GPR158: variants seen among roughly 807,000 people sequenced by gnomAD.
The protein encoded by GPR158 is metabotropic glycine receptor.
A neutral mutation model predicts 78.2 loss-of-function variants in GPR158; 30 were observed. The observed-to-expected ratio is 0.38, with a 90% CI of 0.29 to 0.52. The LOEUF is 0.52. Ranked by LOEUF, GPR158 falls within the 20% of genes least tolerant of loss-of-function variation. The pLI is 0.83. For synonymous variants in GPR158, 581 were observed against 591.1 expected (o/e 0.98, Z 0.25); for missense variants, 1,463 against 1,523.5 (o/e 0.96, Z 0.66).
At chr10:25,255,273 A>G (rs916611392) in intron 2 of GPR158, among the ~76,000 whole-genome samples, 2 of 152,230 alleles carry the variant, frequency 1.3e-5, no homozygotes, top group African/African-American at 4.8e-5. Context: ...TTGTCCATCA[A>G]ATCACTAAGT....
At chr10:25,554,211 T>A (rs1836759678) in intron 6 of GPR158, among the ~76,000 whole-genome samples, 1 of 152,148 alleles carries the variant, frequency 6.6e-6, no homozygotes, top group Non-Finnish European at 1.5e-5. Flanking sequence ...GTCTTCATTT[T>A]TATAGGAATT....
rs1345302514 is a variant in GPR158, at chr10:25,292,748, T to TACACAC, written c.1008+71597_1008+71602dup. Among the ~76,000 whole-genome samples the TACACAC allele has an allele frequency of 3.0e-3, 457 of 152,224 alleles. 2 individuals are homozygous for TACACAC. Among genetic ancestry groups the TACACAC allele is most frequent in the Middle Eastern group, 0.014 (4 of 294 alleles). On this transcript the variant is annotated intron_variant, in intron 2 of 10. Coordinates refer to ENST00000376351, the MANE Select transcript of GPR158 (RefSeq NM_020752.3). ...TTGCTTTTAACTTCCTCTCCCCACA[T>TACACAC]ACACACACACATTTAGAAAGAGAGA...
intron 2 of GPR158, among the ~76,000 whole-genome samples, chr10:25,374,396 C>T (rs1026287273): frequency 6.6e-6 from 1 of 151,622 alleles, no homozygotes; most frequent in Non-Finnish European, 1.5e-5. Flanking sequence ...TCATTGGTAA[C>T]AGTCCACAGA....
At chr10:25,408,082 C>G (rs1834538301) in intron 3 of GPR158, among the ~76,000 whole-genome samples, 2 of 152,144 alleles carry the variant, frequency 1.3e-5, no homozygotes, top group South Asian at 4.2e-4. Flanking sequence ...TTTCAAGTTT[C>G]ATTTGTATTG....
chr10:25,539,044 C>G (rs1836539467), intron 5 of GPR158, among the ~76,000 whole-genome samples: 1 of 152,134 alleles, frequency 6.6e-6, no homozygotes, highest in South Asian at 2.1e-4. Flanking sequence ...TGTGCCCTCC[C>G]AGCACGCTGG....
At chr10:25,322,238 A>G (rs1854960413) in intron 2 of GPR158, among the ~76,000 whole-genome samples, 1 of 152,072 alleles carries the variant, frequency 6.6e-6, no homozygotes, top group Non-Finnish European at 1.5e-5. Flanking sequence ...AAAATTAGCC[A>G]GGCATAGTGG....
Position 25,450,549 on chromosome 10 carries a change from A to AT in GPR158, c.1336-16097dup, listed in dbSNP as rs1835201377. ...TATCTTGCTTCCTTATTCCGTAAAA[A>AT]TTTTTAAATGCTTACAGTATGCCAG... On this transcript the variant is annotated intron_variant, in intron 4 of 10. Transcript: ENST00000376351. Among the ~76,000 whole-genome samples, 3 of 151,628 alleles carry AT rather than the reference A, an allele frequency of 2.0e-5. No homozygotes were observed. In the South Asian group the frequency reaches 6.2e-4, roughly 32 times the overall value.
intron 2 of GPR158, among the ~76,000 whole-genome samples, chr10:25,331,849 G>C (rs1028050267): frequency 2.0e-5 from 3 of 152,186 alleles, no homozygotes; most frequent in African/African-American, 7.2e-5. Flanking sequence ...TAATATGTGA[G>C]AGTGACAATG....
chr10:25,291,703 G>T lies in GPR158; in HGVS notation c.1008+70546G>T, dbSNP rs943626835. Reference sequence around the variant, plus strand: ...GAGAAAAAACATATTTGCAATTCTAGACAAAGTGTTAACATCTTTAATCAT... The same window carrying T: ...GAGAAAAAACATATTTGCAATTCTATACAAAGTGTTAACATCTTTAATCAT... On this transcript the variant is annotated intron_variant, in intron 2 of 10. Transcript: ENST00000376351. Among the ~76,000 whole-genome samples, 6 of 151,710 alleles carry T rather than the reference G, an allele frequency of 4.0e-5. No individual in the cohort carries two copies. The South Asian group carries it at 6.2e-4, about 16-fold the overall frequency.
At chr10:25,397,599 G>A (rs951050952) in intron 3 of GPR158, among the ~76,000 whole-genome samples, 4 of 152,120 alleles carry the variant, frequency 2.6e-5, no homozygotes, top group East Asian at 1.9e-4. Flanking sequence ...CTCTTAGAAG[G>A]CACTATTCTT....
chr10:25,197,554 C>T (rs1362118817), intron 1 of GPR158, among the ~76,000 whole-genome samples: 2 of 152,186 alleles, frequency 1.3e-5, no homozygotes, highest in South Asian at 2.1e-4. Flanking sequence ...TATATCTTTG[C>T]TTGAAAATTA....
intron 2 of GPR158, among the ~76,000 whole-genome samples, chr10:25,359,306 T>C (rs1855596922): frequency 6.6e-6 from 1 of 152,114 alleles, no homozygotes; most frequent in Non-Finnish European, 1.5e-5. Flanking sequence ...ATGTGCAGAA[T>C]GTGCAGGTTT....
chr10:25,210,311 T>C (rs943946264), intron 1 of GPR158, among the ~76,000 whole-genome samples: 3 of 152,222 alleles, frequency 2.0e-5, no homozygotes, highest in African/African-American at 7.2e-5. Context: ...AACCAATCCG[T>C]TTCTCTACTG....
intron 6 of GPR158, among the ~76,000 whole-genome samples, chr10:25,569,309 C>G (rs910998792): frequency 6.6e-6 from 1 of 152,120 alleles, no homozygotes; most frequent in African/African-American, 2.4e-5. Flanking sequence ...GTTACTGTAA[C>G]TGGAATCGTA....
Position 25,399,672 on chromosome 10 carries a change from A to T in GPR158, c.1111+3659A>T, listed in dbSNP as rs550132606. The stretch of plus-strand genomic sequence containing the variant: ...CAAGTTTCATGAAAATCCAACATTA[A>T]TCACTTCTTGTCCTAAAGAAAGAGT... On this transcript the variant is annotated intron_variant, in intron 3 of 10. Transcript: ENST00000376351. Among the ~76,000 whole-genome samples the T allele has an allele frequency of 2.0e-5, 3 of 152,272 alleles. No individual in the cohort carries two copies. The South Asian group carries it at 6.2e-4, about 32-fold the overall frequency.
chr10:25,442,256 T>G (rs1210087273), intron 4 of GPR158, among the ~76,000 whole-genome samples: 1 of 152,134 alleles, frequency 6.6e-6, no homozygotes, highest in Non-Finnish European at 1.5e-5. Flanking sequence ...TGAGACATGC[T>G]TGCCTGAAAC....
At chr10:25,339,638 GT>G (rs1855274623) in intron 2 of GPR158, among the ~76,000 whole-genome samples, 1 of 152,030 alleles carries the variant, frequency 6.6e-6, no homozygotes, top group South Asian at 2.1e-4. Context: ...CTTGCTGAAG[GT>G]TTTTGTAGAT....
At chr10:25,250,686 T>C (rs1208623782) in intron 2 of GPR158, among the ~76,000 whole-genome samples, 3 of 148,148 alleles carry the variant, frequency 2.0e-5, no homozygotes, top group South Asian at 2.2e-4. Context: ...GATAGTTTGT[T>C]ATAATTTCTG....
intron 2 of GPR158, among the ~76,000 whole-genome samples, chr10:25,361,423 C>G (rs535628804): frequency 1.9e-3 from 295 of 151,944 alleles, no homozygotes; most frequent in Non-Finnish European, 3.2e-3. Context: ...CTCAGAGATC[C>G]TGCTTTCAAT....
Sources: allele counts gnomAD v4.1 joint callset (sites outside exome capture counted in the v4.1 genomes callset), GRCh38; gene constraint gnomAD v4.1.1; transcripts MANE v1.5; gene names NCBI Gene and HGNC (gene_info 2026-07-23, HGNC 2026-07-21).